The following LRR1 variants were observed in gnomAD, a reference collection of about 807,000 sequenced individuals.
LRR1 encodes leucine-rich repeat protein 1.
In LRR1, 29 loss-of-function variants were observed where a neutral mutation model predicts 31.6. The ratio of observed to expected loss-of-function variants is 0.92; its 90% CI spans 0.68 to 1.25. The LOEUF (loss-of-function observed/expected upper bound fraction) is 1.25. LRR1 is among the 50% of genes most tolerant of loss of function. LRR1 has a pLI of 0.00. For synonymous variants in LRR1, 179 were observed against 181.4 expected (o/e 0.99, Z 0.10); for missense variants, 485 against 487.2 (o/e 1.00, Z 0.04).
At chr14:49,608,322 A>G (rs1882365794) in intron 3 of LRR1, among the ~76,000 whole-genome samples, 1 of 146,878 alleles carries the variant, frequency 6.8e-6, no homozygotes, top group African/African-American at 2.5e-5. Context: ...CACTTCATTC[A>G]GTTTTCTGCC....
intron 1 of LRR1, chr14:49,600,501 G>A (rs948138593): frequency 6.3e-7 from 1 of 1,578,572 alleles, no homozygotes; most frequent in African/African-American, 1.4e-5. Context: ...AACCCAGAAG[G>A]GATTGAAGAC....
rs1882061704 is a variant in LRR1 at position 49,601,754 on chromosome 14, C to T, written c.184-616C>T. ...TGATCCTGTTCTCAAAGGAGAGTTA[C>T]TGGACAGACAGAGCAGTAACATCCA... On this transcript the variant is annotated intron_variant, in intron 1 of 3. Coordinates refer to ENST00000298288, the MANE Select transcript of LRR1 (RefSeq NM_152329.4). 7.0e-6 allele frequency: 8 copies of T among 1,143,258 alleles called. No homozygotes were observed. The South Asian group carries it at 1.0e-4, about 15-fold the overall frequency. 70.8% of individuals were successfully genotyped at this position (1,143,258 alleles called of 1,614,324 possible). A position where few individuals can be genotyped will look rare whatever the true frequency, so the allele number is the denominator to read the frequency against.
chr14:49,612,551 G>A (rs1882551009), intron 3 of LRR1: 2 of 1,216,942 alleles, frequency 1.6e-6, no homozygotes, highest in South Asian at 1.5e-5. Context: ...GGTTACTTAA[G>A]CAACAGATTA....
chr14:49,611,334 G>A (rs1220437363), intron 3 of LRR1, among the ~76,000 whole-genome samples: 1 of 152,064 alleles, frequency 6.6e-6, no homozygotes, highest in African/African-American at 2.4e-5. Flanking sequence ...AATTAGCCGG[G>A]CATGGTGGTG....
chr14:49,601,654 G>A (rs1050807138), intron 1 of LRR1: 7 of 1,289,554 alleles, frequency 5.4e-6, no homozygotes, highest in Non-Finnish European at 6.1e-6. Flanking sequence ...ATGAAGGCAA[G>A]TAACTGCTAT....
At chr14:49,609,502 T>C (rs1433165618) in intron 3 of LRR1, among the ~76,000 whole-genome samples, 1 of 151,450 alleles carries the variant, frequency 6.6e-6, no homozygotes, top group Non-Finnish European at 1.5e-5. Context: ...CTTCCCGAGT[T>C]CGAGCGATTC....
chr14:49,611,923 CAAAA>C (rs61699129), intron 3 of LRR1, among the ~76,000 whole-genome samples: 15 of 126,860 alleles, frequency 1.2e-4, no homozygotes, highest in African/African-American at 2.8e-4. Context: ...GACTGCGTCT[CAAAA>C]AAAAAAAAAA....
At chr14:49,611,729 C>T (rs929999376) in intron 3 of LRR1, among the ~76,000 whole-genome samples, 1 of 152,072 alleles carries the variant, frequency 6.6e-6, no homozygotes, top group African/African-American at 2.4e-5. Context: ...TTGAGACCAG[C>T]AGGGCTAATA....
chr14:49,604,615 C>T (rs1257737579), intron 2 of LRR1, among the ~76,000 whole-genome samples: 1 of 151,900 alleles, frequency 6.6e-6, no homozygotes, highest in East Asian at 2.0e-4. Flanking sequence ...TCACCTGAGC[C>T]TGGAAGGTCA....
intron 1 of LRR1, among the ~76,000 whole-genome samples, chr14:49,599,469 A>G (rs945282164): frequency 6.6e-6 from 1 of 152,142 alleles, no homozygotes; most frequent in Non-Finnish European, 1.5e-5. Context: ...CAGTGTTGCT[A>G]TTTAGTAGTG....
intron 2 of LRR1, 81 bp from the exon 3 acceptor site, chr14:49,607,319 A>G: frequency 5.2e-6 from 7 of 1,350,258 alleles, no homozygotes; most frequent in Admixed American, 2.5e-5. Flanking sequence ...AAGTAATGCC[A>G]TAGAATTTGT....
At chr14:49,602,574 A>C (rs1289011683) in intron 2 of LRR1, 106 bp downstream of exon 2, 2 of 844,672 alleles carry the variant, frequency 2.4e-6, no homozygotes, top group Non-Finnish European at 3.8e-6. Flanking sequence ...AGGCATAGTC[A>C]TAGCTCACTG....
intron 1 of LRR1, chr14:49,600,982 C>G (rs1004794734): frequency 1.9e-6 from 3 of 1,598,182 alleles, no homozygotes; most frequent in East Asian, 2.2e-5. Context: ...AGAATCTGCA[C>G]AAAGAAATAT....
At position 49,600,045 on chromosome 14, in the gene LRR1, G is replaced by A. The variant is rs561424288; in HGVS notation, c.183+842G>A. ...GCTCAAGTGCGTGGTGGTCGGCGAC[G>A]GGGCGGTGGGCAAGACGTGCCTACT... is the stretch of plus-strand genomic sequence containing the variant. On this transcript the variant is annotated intron_variant, in intron 1 of 3. Transcript: ENST00000298288. 232 of 1,607,390 alleles carry A rather than the reference G, an allele frequency of 1.4e-4. No homozygotes were observed. The African/African-American group carries it at 3.0e-3, about 21-fold the overall frequency.
At chr14:49,600,823 A>G (rs1363760314) in intron 1 of LRR1, 2 of 820,572 alleles carry the variant, frequency 2.4e-6, no homozygotes, top group Admixed American at 3.1e-5. Context: ...AATCTATTAT[A>G]AATACTTTAT....
chr14:49,610,781 C>T (rs1882484729), intron 3 of LRR1, among the ~76,000 whole-genome samples: 1 of 151,486 alleles, frequency 6.6e-6, no homozygotes. Context: ...CCAGGCTGGT[C>T]TCAAACTCCT....
At chr14:49,605,639 A>G (rs1328717460) in intron 2 of LRR1, among the ~76,000 whole-genome samples, 1 of 152,124 alleles carries the variant, frequency 6.6e-6, no homozygotes, top group African/African-American at 2.4e-5. Context: ...GTTTACCTTC[A>G]GTTTTCTTAG....
At chr14:49,610,247 G>GAT (rs796197304) in intron 3 of LRR1, among the ~76,000 whole-genome samples, 1 of 139,582 alleles carries the variant, frequency 7.2e-6, no homozygotes, top group Non-Finnish European at 1.5e-5. Context: ...TTTGTTGAGG[G>GAT]TTTTTTTTTT....
chr14:49,600,494 C>G lies in LRR1; in HGVS notation c.183+1291C>G, dbSNP rs2139531159. 1.5e-5 allele frequency: 23 copies of G among 1,582,436 alleles called. 1 individual carries two copies. The South Asian group carries it at 2.6e-4, about 18-fold the overall frequency. On this transcript the variant is annotated intron_variant, in intron 1 of 3. Transcript: ENST00000298288. ...GCTATGTGGAATGTTCAGCTTTAAC[C>G]CAGAAGGGATTGAAGACTGTTTTTG... is the stretch of plus-strand genomic sequence containing the variant.
Sources: allele counts gnomAD v4.1 joint callset (sites outside exome capture counted in the v4.1 genomes callset), GRCh38; gene constraint gnomAD v4.1.1; transcripts MANE v1.5; gene names NCBI Gene and HGNC (gene_info 2026-07-23, HGNC 2026-07-21).